KCNQ2: variants seen among roughly 807,000 people sequenced by gnomAD.
The protein encoded by KCNQ2 is potassium voltage-gated channel subfamily Q member 2, also known as potassium voltage-gated channel subfamily KQT member 2.
A neutral mutation model predicts 84.8 loss-of-function variants in KCNQ2; 14 were observed. That is an observed-to-expected ratio of 0.17 (90% CI 0.11 to 0.26). The LOEUF (loss-of-function observed/expected upper bound fraction) is 0.26. Ranked by LOEUF, KCNQ2 falls within the 10% of genes least tolerant of loss-of-function variation. The pLI is 1.00. For synonymous variants in KCNQ2, 599 were observed against 554.1 expected, an observed-to-expected ratio of 1.08 and a Z score of -1.14; for missense variants, 788 against 1,254.0, an observed-to-expected ratio of 0.63 and a Z score of 5.61.
Position 63,414,452 on chromosome 20 carries a change from C to A in KCNQ2, c.1526-259G>T, listed in dbSNP as rs1235008193. ...AAGGACATTCTGGCCAATGGATGAA[C>A]AGAACATGGCGCATCCACGCACAGA... On this transcript the variant is annotated intron_variant, in intron 13 of 16. Transcript: ENST00000359125. This position sits in a 1 kb window ranked among gnomAD's most constrained non-coding sequence, Gnocchi z 6.6. 3.3e-5 allele frequency among the ~76,000 whole-genome samples: 5 copies of A among 152,126 alleles called. No individual in the cohort carries two copies. The highest frequency in any genetic ancestry group is 2.6e-4 in the Admixed American group (4 of 15,282).
Position 63,446,947 on chromosome 20 carries a change from C to T in KCNQ2, c.297-110G>A. 2 of 955,930 alleles carry T rather than the reference C, an allele frequency of 2.1e-6. No individual in the cohort carries two copies. Among genetic ancestry groups the T allele is most frequent in the Admixed American group, 3.5e-5 (2 of 57,032 alleles). The allele number at this position is 955,930 out of a possible 1,614,324, so 59.2% of individuals were successfully genotyped here. On this transcript the variant is annotated intron_variant, in intron 1 of 16. Coordinates refer to ENST00000359125, the MANE Select transcript of KCNQ2 (RefSeq NM_172107.4). The surrounding 1 kb of genome is among the most constrained non-coding windows in gnomAD (Gnocchi z 5.5). ...CCACCAGGCCGCAGCAGGGCACCAG[C>T]ATGGCCGCGTCTCCAGAACGCAGGA...
At chr20:63,416,842 C>T (rs1280794807) in intron 12 of KCNQ2, among the ~76,000 whole-genome samples, 1 of 152,162 alleles carries the variant, frequency 6.6e-6, no homozygotes, top group African/African-American at 2.4e-5. Context: ...ACACGCGGAT[C>T]GCTTGGCTGC....
At chr20:63,427,082 C>A (rs375461712) in intron 10 of KCNQ2, among the ~76,000 whole-genome samples, 2 of 152,240 alleles carry the variant, frequency 1.3e-5, no homozygotes, top group East Asian at 1.9e-4. Flanking sequence ...CTTAGCCGGG[C>A]GTAGTAGCAG....
intron 4 of KCNQ2, chr20:63,443,581 TACC>T (rs1001560562): frequency 9.2e-6 from 1 of 108,402 alleles, no homozygotes; most frequent in African/African-American, 3.7e-5. Context: ...CCACCATCAC[TACC>T]ACCATCACCA....
chr20:63,433,767 A>C (rs776496020), intron 8 of KCNQ2, 42 bp downstream of exon 8: 7 of 1,613,552 alleles, frequency 4.3e-6, no homozygotes, highest in Non-Finnish European at 4.2e-6. Context: ...GGAAAATAAA[A>C]AATGAAACAG....
rs769045070 is a variant in KCNQ2, at chr20:63,472,442, C to G, written c.22G>C (p.Gly8Arg). 25 of 1,532,836 alleles carry G rather than the reference C, an allele frequency of 1.6e-5. No homozygotes were observed. Among genetic ancestry groups the G allele is most frequent in the Non-Finnish European group, 2.2e-5 (25 of 1,146,632 alleles). The allele number at this position is 1,532,836 out of a possible 1,614,324, so 95.0% of individuals were successfully genotyped here. Residue 8 changes from glycine to arginine, a missense_variant, in exon 1 of 17, where the codon GGC becomes CGC. Around this residue, in one of 8 missense-constraint regions of KCNQ2, gnomAD observed 41 missense variants for 41.2 expected, o/e 0.99. Coordinates refer to ENST00000359125, the MANE Select transcript of KCNQ2 (RefSeq NM_172107.4). Reference sequence around the variant, plus strand: ...CCGCTCGGGCCGGGGTATACGCCGCCGTTGCGCGACTTCTGCACCATGGTG... The same window carrying G: ...CCGCTCGGGCCGGGGTATACGCCGCGGTTGCGCGACTTCTGCACCATGGTG... MVQKSRNGGVYPGPSGEK... is the reference protein window; with the variant it reads MVQKSRNRGVYPGPSGEK...
Position 63,460,615 on chromosome 20 carries a change from C to G in KCNQ2, c.296+11553G>C, listed in dbSNP as rs2145864153. 6.6e-6 allele frequency among the ~76,000 whole-genome samples: 1 copy of G among 152,330 alleles called. No homozygotes were observed. On this transcript the variant is annotated intron_variant, in intron 1 of 16. Transcript: ENST00000359125. This position sits in a 1 kb window ranked among gnomAD's most constrained non-coding sequence, Gnocchi z 5.4. The stretch of plus-strand genomic sequence containing the variant: ...CACCTCCGGCGACGGAGGGCTCACC[C>G]CACAGAAAGAATCTCGTTCCAACAC...
intron 4 of KCNQ2, among the ~76,000 whole-genome samples, chr20:63,442,824 TCACCATCACCAC>T (rs2081232663): frequency 4.8e-5 from 1 of 20,656 alleles, no homozygotes. Flanking sequence ...ACCATCACCA[TCACCATCACCAC>T]CACCACCATC....
chr20:63,402,822 C>T lies in KCNQ2; in HGVS notation c.*3822G>A, dbSNP rs3746371. 11,854 of 152,376 alleles carry T rather than the reference C, an allele frequency of 0.078. 876 individuals are homozygous for T. Among genetic ancestry groups the T allele is most frequent in the East Asian group, 0.45 (2,336 of 5,166 alleles). The allele number at this position is 152,376 out of a possible 1,614,324, so 9.4% of individuals were successfully genotyped here. A position where few individuals can be genotyped will look rare whatever the true frequency, so the allele number is the denominator to read the frequency against. ...CATCGCTGAGGGGCAGCGTGTCCTCCGGTGGGGGGTGTTGGGCACCTGCCC... is the reference window on the plus strand; with the variant it reads ...CATCGCTGAGGGGCAGCGTGTCCTCTGGTGGGGGGTGTTGGGCACCTGCCC... On this transcript the variant is annotated 3_prime_UTR_variant, in exon 17 of 17. Transcript: ENST00000359125.
chr20:63,444,504 G>A (rs181231488), intron 4 of KCNQ2, among the ~76,000 whole-genome samples, 155 bp downstream of exon 4: 5 of 152,194 alleles, frequency 3.3e-5, no homozygotes, highest in East Asian at 1.9e-4. Context: ...AGGGAGGCTC[G>A]TTCACACCTG....
intron 4 of KCNQ2, among the ~76,000 whole-genome samples, chr20:63,443,012 A>G (rs201808861): frequency 1.7e-4 from 15 of 89,200 alleles, no homozygotes; most frequent in South Asian, 4.0e-4. Context: ...CACCATCACC[A>G]TCACCACCAC....
At chr20:63,442,149 C>T (rs1027059974) in intron 5 of KCNQ2, among the ~76,000 whole-genome samples, 1 of 151,916 alleles carries the variant, frequency 6.6e-6, no homozygotes, top group African/African-American at 2.4e-5. Context: ...ATGCCCACCA[C>T]GGCTGAGCTC....
chr20:63,452,530 G>A (rs1262023365), intron 1 of KCNQ2, among the ~76,000 whole-genome samples: 1 of 152,238 alleles, frequency 6.6e-6, no homozygotes, highest in Non-Finnish European at 1.5e-5. Flanking sequence ...CGAGGCAGGT[G>A]CGTGGCCACC....
At chr20:63,428,302 GGGCAGCTGGGGC>G (rs2080690698) in intron 10 of KCNQ2, 53 bp downstream of exon 10, 5 of 1,238,414 alleles carry the variant, frequency 4.0e-6, no homozygotes, top group Middle Eastern at 1.9e-4. Context: ...TGTCTTCTGT[GGGCAGCTGGGGC>G]CCCCAGGAGG....
rs886116240 is a variant in KCNQ2, at chr20:63,401,035, G to A, written c.*5609C>T. 4 of 396,054 alleles carry A rather than the reference G, an allele frequency of 1.0e-5. No individual in the cohort carries two copies. The highest frequency in any genetic ancestry group is 2.1e-5 in the African/African-American group (1 of 48,574). The allele number at this position is 396,054 out of a possible 1,614,324, so 24.5% of individuals were successfully genotyped here. A position where few individuals can be genotyped will look rare whatever the true frequency, so the allele number is the denominator to read the frequency against. On this transcript the variant is annotated 3_prime_UTR_variant, in exon 17 of 17. Coordinates refer to ENST00000359125, the MANE Select transcript of KCNQ2 (RefSeq NM_172107.4). Reference sequence around the variant, plus strand: ...GCCTGCCTGGTAGCCCCGGGGACCGGCCCCTCCTTGCTGGCGCCTGGCCGA... The same window carrying A: ...GCCTGCCTGGTAGCCCCGGGGACCGACCCCTCCTTGCTGGCGCCTGGCCGA...
At position 63,400,910 on chromosome 20, in the gene KCNQ2, G is replaced by T. The variant is rs2079796314; in HGVS notation, c.*5734C>A. Reference sequence around the variant, plus strand: ...GCGTCCGTACCTGGCACAGCCAGGGGGCATGGGGCGACCTCAGGGAGTTCC... The same window carrying T: ...GCGTCCGTACCTGGCACAGCCAGGGTGCATGGGGCGACCTCAGGGAGTTCC... On this transcript the variant is annotated 3_prime_UTR_variant, in exon 17 of 17. Coordinates refer to ENST00000359125, the MANE Select transcript of KCNQ2 (RefSeq NM_172107.4). The surrounding 1 kb of genome is among the most constrained non-coding windows in gnomAD (Gnocchi z 8.7). The T allele has an allele frequency of 7.5e-6, 3 of 398,272 alleles. No individual in the cohort carries two copies. The highest frequency in any genetic ancestry group is 1.3e-5 in the Non-Finnish European group (3 of 225,776). The allele number at this position is 398,272 out of a possible 1,614,324, so 24.7% of individuals were successfully genotyped here.
At chr20:63,428,716 C>G (rs1263613402) in intron 9 of KCNQ2, among the ~76,000 whole-genome samples, 1 of 152,170 alleles carries the variant, frequency 6.6e-6, no homozygotes, top group Non-Finnish European at 1.5e-5. Context: ...GCCACCCATG[C>G]AGCCCCGACC....
In KCNQ2 at chr20:63,438,291, G is replaced by A. The variant is rs1174299744; in HGVS notation, c.1023+334C>T. ...GGCACTGACTCACTGCAGTGTGTGG[G>A]CTCTAGGAGCCTTGGCCCTGCAGCT... is the stretch of plus-strand genomic sequence containing the variant. On this transcript the variant is annotated intron_variant, in intron 7 of 16. Transcript: ENST00000359125. This position sits in a 1 kb window ranked among gnomAD's most constrained non-coding sequence, Gnocchi z 5.1. 1 of 443,800 alleles carries A rather than the reference G, an allele frequency of 2.3e-6. No homozygotes were observed. Among genetic ancestry groups the A allele is most frequent in the Admixed American group, 3.5e-5 (1 of 28,864 alleles). The allele number at this position is 443,800 out of a possible 1,614,324, so 27.5% of individuals were successfully genotyped here.
chr20:63,422,401 C>T (rs3893041), intron 11 of KCNQ2: 19,744 of 152,688 alleles, frequency 0.13, 2,560 homozygotes, highest in East Asian at 0.57. Flanking sequence ...TCACTCCCAC[C>T]GCACCCCAGG....
Sources: gnomAD v4.1 joint callset for allele counts (sites outside exome capture counted in the v4.1 genomes callset) on GRCh38, gnomAD v4.1.1 for gene constraint, gnomAD v4.1.1 regional missense constraint, Gnocchi (gnomAD v3.1) non-coding constraint, MANE v1.5 for transcripts, NCBI Gene and HGNC (gene_info 2026-07-23, HGNC 2026-07-21) for gene names.